AMY2A: variants seen among roughly 807,000 people sequenced by gnomAD.
AMY2A encodes amylase alpha 2A.
AMY2A carries 16 observed loss-of-function variants against 43.0 expected under a neutral mutation model. The observed-to-expected ratio is 0.37, with a 90% CI of 0.25 to 0.56. The LOEUF is 0.56. Ranked by LOEUF, AMY2A falls within the 20% of genes least tolerant of loss-of-function variation. AMY2A has a pLI of 0.77. For missense variants in AMY2A, 212 were observed against 456.8 expected, an observed-to-expected ratio of 0.46 and a Z score of 4.89; for synonymous variants, 70 against 144.6, an observed-to-expected ratio of 0.48 and a Z score of 3.70.
chr1:103,617,702 T>C, intron 1 of AMY2A, 94 bp downstream of exon 1: 1 of 1,592,352 alleles, frequency 6.3e-7, no homozygotes, highest in East Asian at 2.2e-5. Context: ...AACATTTTAC[T>C]TCACAGGTAA....
rs1278778551 is a variant in AMY2A at position 103,619,124 on chromosome 1, G to C, written c.513+16G>C. On this transcript the variant is annotated intron_variant, in intron 3 of 9. Coordinates refer to ENST00000414303, the MANE Select transcript of AMY2A (RefSeq NM_000699.4). ...TGCTACTCAGGTAATTTTTTTACGAGAGTGATCTGAATAAAAGAGTAATAT... is the reference window on the plus strand; with the variant it reads ...TGCTACTCAGGTAATTTTTTTACGACAGTGATCTGAATAAAAGAGTAATAT... 3.5e-6 allele frequency: 3 copies of C among 868,490 alleles called. No homozygotes were observed. The highest frequency in any genetic ancestry group is 6.4e-5 in the Admixed American group (2 of 31,206). The allele number at this position is 868,490 out of a possible 1,614,324, so 53.8% of individuals were successfully genotyped here.
At position 103,619,013 on chromosome 1, in the gene AMY2A, G is replaced by T; in HGVS notation, c.418G>T (p.Asp140Tyr). 7.5e-7 allele frequency: 1 copy of T among 1,335,682 alleles called. No individual in the cohort carries two copies. Among genetic ancestry groups the T allele is most frequent in the Non-Finnish European group, 1.0e-6 (1 of 986,226 alleles). 82.7% of individuals were successfully genotyped at this position (1,335,682 alleles called of 1,614,324 possible). A position where few individuals can be genotyped will look rare whatever the true frequency, so the allele number is the denominator to read the frequency against. The change falls in exon 3 of 10, where the codon GAC (aspartate) becomes TAC (tyrosine). Residue 140 changes from aspartate (D) to tyrosine (Y), a missense_variant. Physicochemically the swap from Asp to Tyr is radical, Grantham distance 160. Coordinates refer to ENST00000414303, the MANE Select transcript of AMY2A (RefSeq NM_000699.4). The stretch of plus-strand genomic sequence containing the variant: ...AAGTTACTTCAACCCTGGAAGTAGG[G>T]ACTTTCCAGCAGTCCCATATTCTGG... ...CGSYFNPGSR[D>Y]FPAVPYSGWD...
At chr1:103,619,986 T>C in intron 4 of AMY2A, 2 of 1,213,834 alleles carry the variant, frequency 1.6e-6, no homozygotes, top group Non-Finnish European at 1.1e-6. Context: ...GAATGTAGGA[T>C]ACTGATAATA....
chr1:103,617,691 CA>C, intron 1 of AMY2A, 83 bp downstream of exon 1: 1 of 1,594,638 alleles, frequency 6.3e-7, no homozygotes. Flanking sequence ...GAAGCTTGGG[CA>C]ACATTTTACT....
chr1:103,617,092 GT>G (rs200504746), upstream of AMY2A: 13,752 of 997,508 alleles, frequency 0.014, 470 homozygotes, highest in African/African-American at 0.041. Context: ...TTTATGTAAA[GT>G]TTTTTTGTAT....
At position 103,619,952 on chromosome 1, in the gene AMY2A, C is replaced by A. The variant is rs1371980459; in HGVS notation, c.744+168C>A. ...ATACAGCATATCTAATTCTTTATCA[C>A]AACATGTTTTATGGAGGTACACAGA... On this transcript the variant is annotated intron_variant, in intron 4 of 9. Transcript: ENST00000414303. 8 of 1,387,642 alleles carry A rather than the reference C, an allele frequency of 5.8e-6. No homozygotes were observed. In the East Asian group the frequency reaches 2.0e-4, roughly 35 times the overall value. 86.0% of individuals were successfully genotyped at this position (1,387,642 alleles called of 1,614,324 possible).
rs1275077824 is a variant in AMY2A at position 103,618,197 on chromosome 1, TA to T, written c.315+98del. On this transcript the variant is annotated intron_variant, in intron 2 of 9. Transcript: ENST00000414303. ...TTTCAGCAGAAAATTTTCCGTATTT[TA>T]TTTTTTTAATTTTACTTCATAATTT... 3.4e-6 allele frequency: 5 copies of T among 1,491,124 alleles called. 1 individual carries two copies. The highest frequency in any genetic ancestry group is 4.5e-6 in the Non-Finnish European group (5 of 1,113,090). The allele number at this position is 1,491,124 out of a possible 1,614,324, so 92.4% of individuals were successfully genotyped here. A position where few individuals can be genotyped will look rare whatever the true frequency, so the allele number is the denominator to read the frequency against.
Position 103,619,241 on chromosome 1 carries a change from T to A in AMY2A, c.513+133T>A, listed in dbSNP as rs1170445255. 27 of 734,866 alleles carry A rather than the reference T, an allele frequency of 3.7e-5. 1 individual carries two copies. The highest frequency in any genetic ancestry group is 5.7e-5 in the Non-Finnish European group (26 of 454,574). The allele number at this position is 734,866 out of a possible 1,614,324, so 45.5% of individuals were successfully genotyped here. A position where few individuals can be genotyped will look rare whatever the true frequency, so the allele number is the denominator to read the frequency against. Reference sequence around the variant, plus strand: ...GACAGAAGTTAACAAGTTTGACTACTTTAAGAAACTCAAATCCATATTTAA... The same window carrying A: ...GACAGAAGTTAACAAGTTTGACTACATTAAGAAACTCAAATCCATATTTAA... On this transcript the variant is annotated intron_variant, in intron 3 of 9. Coordinates refer to ENST00000414303, the MANE Select transcript of AMY2A (RefSeq NM_000699.4).
upstream of AMY2A, chr1:103,617,112 G>A: frequency 1.0e-6 from 1 of 963,084 alleles, no homozygotes; most frequent in Non-Finnish European, 1.4e-6. Context: ...ATGCCATTCT[G>A]GATCTTTAAA....
In AMY2A at chr1:103,617,607, A is replaced by G; in HGVS notation, c.167A>G (p.Gln56Arg). ...GCTCCGAAGGGATTTGGAGGGGTTCAGGTGGGTATGATTCATAGTATCAAT... is the reference window on the plus strand; with the variant it reads ...GCTCCGAAGGGATTTGGAGGGGTTCGGGTGGGTATGATTCATAGTATCAAT... ...YLAPKGFGGV[Q>R]VSPPNENVAI... The change falls in exon 1 of 10, where the codon CAG becomes CGG. Residue 56 changes from glutamine (Q) to arginine (R), a missense_variant and splice_region_variant. Physicochemically the swap from Gln to Arg is conservative, Grantham distance 43. Coordinates refer to ENST00000414303, the MANE Select transcript of AMY2A (RefSeq NM_000699.4). 1.9e-6 allele frequency: 3 copies of G among 1,601,016 alleles called. 1 individual carries two copies. The highest frequency in any genetic ancestry group is 2.6e-6 in the Non-Finnish European group (3 of 1,170,902).
upstream of AMY2A, chr1:103,617,253 A>T: frequency 7.8e-7 from 1 of 1,277,630 alleles, no homozygotes; most frequent in Non-Finnish European, 1.1e-6. Flanking sequence ...AAGGTCATTT[A>T]GATGATTTCC....
At chr1:103,617,691 C>A (rs1653116523) in intron 1 of AMY2A, 83 bp downstream of exon 1, 19 of 1,594,638 alleles carry the variant, frequency 1.2e-5, no homozygotes, top group Non-Finnish European at 1.6e-5. Flanking sequence ...GAAGCTTGGG[C>A]AACATTTTAC....
At chr1:103,617,385 C>A (rs1339937067), upstream of AMY2A, 13 of 1,563,762 alleles carry the variant, frequency 8.3e-6, 1 homozygote, top group Middle Eastern at 9.2e-4. Context: ...GTAAAATGTG[C>A]TTCTTACAGG....
chr1:103,618,046 A>G lies in AMY2A; in HGVS notation c.261A>G (p.Arg87=). The G allele has an allele frequency of 6.2e-7, 1 of 1,600,740 alleles. No homozygotes were observed. The change falls in exon 2 of 10, where the codon AGA becomes AGG. Residue 87 remains arginine, a synonymous_variant. Coordinates refer to ENST00000414303, the MANE Select transcript of AMY2A (RefSeq NM_000699.4). ...YQPVSYKLCT[R]SGNEDEFRNM... is the part of the protein sequence containing the mutation. Reference sequence around the variant, plus strand: ...CAGTTAGCTATAAATTATGCACAAGATCTGGAAATGAAGATGAATTTAGAA... The same window carrying G: ...CAGTTAGCTATAAATTATGCACAAGGTCTGGAAATGAAGATGAATTTAGAA...
chr1:103,624,866 A>G (rs1177246590), intron 9 of AMY2A, among the ~76,000 whole-genome samples: 1 of 131,088 alleles, frequency 7.6e-6, no homozygotes, highest in Non-Finnish European at 1.7e-5. Flanking sequence ...TCTAAGATAT[A>G]GCTCAGAAGA....
chr1:103,618,156 C>G, intron 2 of AMY2A, 56 bp downstream of exon 2: 3 of 1,562,620 alleles, frequency 1.9e-6, no homozygotes, highest in Non-Finnish European at 2.6e-6. Flanking sequence ...GTTTCTCTCT[C>G]TTCTTTCTTG....
intron 7 of AMY2A, among the ~76,000 whole-genome samples, chr1:103,623,609 C>T (rs1198523457): frequency 9.3e-6 from 1 of 107,560 alleles, no homozygotes; most frequent in African/African-American, 4.3e-5. Flanking sequence ...AGCAAAGAAG[C>T]CTTTGCAGTT....
At chr1:103,617,660 T>A (rs1227907066) in intron 1 of AMY2A, 52 bp downstream of exon 1, 1 of 1,600,772 alleles carries the variant, frequency 6.2e-7, no homozygotes. Context: ...TTGTAGGAAA[T>A]AGTATTCTGA....
intron 2 of AMY2A, among the ~76,000 whole-genome samples, chr1:103,618,400 T>C (rs1037532594): frequency 6.6e-6 from 1 of 150,758 alleles, no homozygotes; most frequent in Admixed American, 6.6e-5. Flanking sequence ...TTAGGAAGTA[T>C]AATTCCAGTT....
Sources: gnomAD v4.1 joint callset for allele counts (sites outside exome capture counted in the v4.1 genomes callset) on GRCh38, gnomAD v4.1.1 for gene constraint, MANE v1.5 for transcripts, NCBI Gene and HGNC (gene_info 2026-07-23, HGNC 2026-07-21) for gene names.